ZNF782: variants seen among roughly 807,000 people sequenced by gnomAD.
ZNF782 encodes the protein zinc finger protein 782.
ZNF782 carries 12 observed loss-of-function variants against 13.0 expected under a neutral mutation model. The observed-to-expected ratio is 0.92, with a 90% confidence interval of 0.59 to 1.50. The LOEUF (loss-of-function observed/expected upper bound fraction) is 1.50, where lower values mean the gene tolerates loss of function less well. Among genes scored for constraint, ZNF782 ranks in the 40% most tolerant of loss-of-function variants. The pLI is 0.00. For missense variants in ZNF782, 770 were observed against 822.9 expected, an observed-to-expected ratio of 0.94 and a Z score of 0.79; for synonymous variants, 284 against 283.0, an observed-to-expected ratio of 1.00 and a Z score of -0.04.
At chr9:96,875,789 C>A (rs953829897), upstream of ZNF782, among the ~76,000 whole-genome samples, 1 of 152,250 alleles carries the variant, frequency 6.6e-6, no homozygotes, top group African/African-American at 2.4e-5. Flanking sequence ...GGTTTCCCCG[C>A]GTCCCACTTC....
chr9:96,833,190 C>T (rs937782424), intron 4 of ZNF782, among the ~76,000 whole-genome samples: 2 of 152,186 alleles, frequency 1.3e-5, no homozygotes, highest in Non-Finnish European at 2.9e-5. Flanking sequence ...ATTTCCCTCG[C>T]TATTAACAAC....
At chr9:96,891,303 GAAAA>G in the ZNF782 span, 7 of 151,846 alleles carry the variant, frequency 4.6e-5, no homozygotes, top group Non-Finnish European at 8.8e-5. Context: ...ACAGAAAATG[GAAAA>G]AAAATTTTTG....
At chr9:96,912,635 T>C in the ZNF782 span, among the ~76,000 whole-genome samples, 1 of 151,780 alleles carries the variant, frequency 6.6e-6, no homozygotes, top group Non-Finnish European at 1.5e-5. Flanking sequence ...TTCAAGCGAT[T>C]CTCCTGCCTC....
the ZNF782 span, among the ~76,000 whole-genome samples, chr9:96,930,871 G>GTTTTTTTTTTTTTTTTTTTTTTTTTTTTT: frequency 9.6e-6 from 1 of 104,404 alleles, no homozygotes; most frequent in African/African-American, 3.7e-5. Context: ...TCCATCCAGT[G>GTTTTTTTTTTTTTTTTTTTTTTTTTTTTT]GTTTTTTTTT....
the ZNF782 span, among the ~76,000 whole-genome samples, chr9:96,919,693 C>T: frequency 3.4e-5 from 5 of 148,876 alleles, no homozygotes; most frequent in African/African-American, 1.2e-4. Context: ...CCTCCTGAGT[C>T]GCTGGGATTA....
At chr9:96,863,209 T>C (rs1166083314) in intron 1 of ZNF782, among the ~76,000 whole-genome samples, 1 of 152,236 alleles carries the variant, frequency 6.6e-6, no homozygotes, top group African/African-American at 2.4e-5. Context: ...TCTATCAGAT[T>C]TTTCTTAAAA....
the ZNF782 span, among the ~76,000 whole-genome samples, chr9:96,912,297 C>G: frequency 1.4e-5 from 2 of 139,770 alleles, no homozygotes; most frequent in East Asian, 4.1e-4. Context: ...GAGGCTAAGG[C>G]GGGCAGATCA....
chr9:96,911,510 G>GGTT, the ZNF782 span, among the ~76,000 whole-genome samples: 168 of 109,658 alleles, frequency 1.5e-3, 2 homozygotes, highest in Non-Finnish European at 2.9e-3. Flanking sequence ...TTTTTTTTTT[G>GGTT]TTTTTGTTTT....
upstream of ZNF782, among the ~76,000 whole-genome samples, chr9:96,876,995 GA>G (rs147014113): frequency 5.5e-5 from 4 of 73,010 alleles, no homozygotes; most frequent in East Asian, 4.8e-4. Context: ...AAAGAAAAAA[GA>G]AAAAAAAATG....
intron 5 of ZNF782, among the ~76,000 whole-genome samples, chr9:96,826,688 G>A (rs1850632033): frequency 6.6e-6 from 1 of 152,168 alleles, no homozygotes; most frequent in Non-Finnish European, 1.5e-5. Flanking sequence ...TAACTGCCGA[G>A]GGGCTCACCG....
rs10979266 is a variant in ZNF782, at chr9:96,837,153, C to T, written c.142+7737G>A. On this transcript the variant is annotated intron_variant, in intron 4 of 5. Coordinates refer to ENST00000481138, the MANE Select transcript of ZNF782 (RefSeq NM_001001662.3). ...CAAGATGCCCCACACTCATCTTGTA[C>T]ATTTCTCGCCTAGCCCTTAGAATCA... 0.021 allele frequency among the ~76,000 whole-genome samples: 3,146 copies of T among 152,310 alleles called. 180 individuals are homozygous for T. The East Asian group carries it at 0.24, about 11-fold the overall frequency.
chr9:96,817,924 T>G lies in ZNF782; in HGVS notation c.2099A>C (p.Ter700SerextTer22). The G allele has an allele frequency of 1.3e-6, 2 of 1,551,964 alleles. No individual in the cohort carries two copies. Among genetic ancestry groups the G allele is most frequent in the Middle Eastern group, 1.7e-4 (1 of 5,758 alleles). Reference protein sequence around the residue: ...REHQKAHPGD* With the variant: ...REHQKAHPGDS ...TTCGTATTCTTTATATGCATACATT[T>G]AATCCCCTGGGTGGGCTTTCTGATG... The change falls in exon 6 of 6, where the codon TAA becomes TCA. Residue 700 changes from the stop codon to serine, a stop_lost. Transcript: ENST00000481138.
chr9:96,827,440 C>T (rs1850663143), intron 4 of ZNF782, among the ~76,000 whole-genome samples: 1 of 152,086 alleles, frequency 6.6e-6, no homozygotes, highest in South Asian at 2.1e-4. Flanking sequence ...GGTAATCCTT[C>T]TGCCTCAGCC....
intron 1 of ZNF782, among the ~76,000 whole-genome samples, chr9:96,861,786 A>G (rs972417637): frequency 3.9e-5 from 6 of 152,240 alleles, no homozygotes; most frequent in African/African-American, 1.4e-4. Flanking sequence ...GGATATAGAG[A>G]AGAGGTAACC....
At chr9:96,836,235 C>G (rs1262776185) in intron 4 of ZNF782, among the ~76,000 whole-genome samples, 5 of 141,830 alleles carry the variant, frequency 3.5e-5, no homozygotes, top group Admixed American at 2.2e-4. Flanking sequence ...TTTTTTGAGA[C>G]CAAGTCTTGC....
the ZNF782 span, chr9:96,891,281 G>A: frequency 2.6e-5 from 4 of 152,192 alleles, no homozygotes; most frequent in South Asian, 4.1e-4. Flanking sequence ...TTTATATTAT[G>A]TATATTTTAC....
chr9:96,863,726 T>C (rs1313144925), intron 1 of ZNF782, among the ~76,000 whole-genome samples: 2 of 152,200 alleles, frequency 1.3e-5, no homozygotes, highest in Non-Finnish European at 2.9e-5. Context: ...TGGATGGAGC[T>C]GGCGGCCATT....
In ZNF782 at chr9:96,827,161, C is replaced by T. The variant is rs370494158; in HGVS notation, c.163G>A (p.Glu55Lys). ...CCTTGTTCCAATGTGAAGATCAGTT[C>T]TGGTTTTGTAAAGCAGTAGCCTATA... ...VSVGYCFTKP[E>K]LIFTLEQGED... The change falls in exon 5 of 6, where the codon GAA (glutamate) becomes AAA (lysine). Residue 55 changes from glutamate (E) to lysine (K), a missense_variant. Glu to Lys is a moderately conservative substitution (Grantham distance 56). Coordinates refer to ENST00000481138, the MANE Select transcript of ZNF782 (RefSeq NM_001001662.3). 2.2e-5 allele frequency: 36 copies of T among 1,611,176 alleles called. No homozygotes were observed. Among genetic ancestry groups the T allele is most frequent in the Non-Finnish European group, 2.8e-5 (33 of 1,178,848 alleles).
the ZNF782 span, among the ~76,000 whole-genome samples, chr9:96,907,532 T>A: frequency 6.6e-6 from 1 of 152,296 alleles, no homozygotes; most frequent in Non-Finnish European, 1.5e-5. Context: ...CAATTGGCCA[T>A]ATTTGTGAGG....
Sources: gnomAD v4.1 joint callset for allele counts (sites outside exome capture counted in the v4.1 genomes callset) on GRCh38, gnomAD v4.1.1 for gene constraint, MANE v1.5 for transcripts, NCBI Gene and HGNC (gene_info 2026-07-23, HGNC 2026-07-21) for gene names.